The following DDX25 variants were observed in gnomAD, a reference collection of about 807,000 sequenced individuals.
DDX25 encodes the protein DEAD-box helicase 25.
DDX25 carries 70 observed loss-of-function variants against 64.6 expected under a neutral mutation model. That is an observed-to-expected ratio of 1.08 (90% CI 0.89 to 1.32). The LOEUF (loss-of-function observed/expected upper bound fraction) is 1.32. DDX25 is among the 40% of genes most tolerant of loss of function. The pLI, the probability that DDX25 is intolerant of heterozygous loss-of-function variation, is 0.00. For synonymous variants in DDX25, 211 were observed against 213.3 expected, an observed-to-expected ratio of 0.99 and a Z score of 0.09; for missense variants, 587 against 604.4, an observed-to-expected ratio of 0.97 and a Z score of 0.30.
intron 1 of DDX25, 108 bp from the exon 2 acceptor site, chr11:125,905,104 T>A (rs1944864715): frequency 4.1e-6 from 4 of 971,400 alleles, no homozygotes; most frequent in Non-Finnish European, 6.3e-6. Flanking sequence ...AAGGAAGCAA[T>A]ACCCGGGTGT....
At chr11:125,904,353 C>T (rs1455178745), upstream of DDX25, 2 of 541,904 alleles carry the variant, frequency 3.7e-6, no homozygotes, top group Non-Finnish European at 5.7e-6. Flanking sequence ...GCCCCTTCCG[C>T]GCGCCACCCA....
chr11:125,924,253 T>G lies in DDX25; in HGVS notation c.*1372T>G, dbSNP rs192883693. 1 of 148,720 alleles carries G rather than the reference T, an allele frequency of 6.7e-6. No individual in the cohort carries two copies. Among genetic ancestry groups the G allele is most frequent in the East Asian group, 1.9e-4 (1 of 5,148 alleles). The allele number at this position is 148,720 out of a possible 1,614,324, so 9.2% of individuals were successfully genotyped here. On this transcript the variant is annotated 3_prime_UTR_variant, in exon 12 of 12. Coordinates refer to ENST00000263576, the MANE Select transcript of DDX25 (RefSeq NM_013264.5). ...CTGCATTCCAGCCTGGGCGACAGAG[T>G]GAGACTCTATCTCAAAAAAAACGCG...
rs1945148602 is a variant in DDX25 at position 125,924,241 on chromosome 11, TG to T, written c.*1363del. 1 of 151,930 alleles carries T rather than the reference TG, an allele frequency of 6.6e-6. No individual in the cohort carries two copies. The highest frequency in any genetic ancestry group is 6.6e-5 in the Admixed American group (1 of 15,240). The allele number at this position is 151,930 out of a possible 1,614,324, so 9.4% of individuals were successfully genotyped here. On this transcript the variant is annotated 3_prime_UTR_variant, in exon 12 of 12. Coordinates refer to ENST00000263576, the MANE Select transcript of DDX25 (RefSeq NM_013264.5). ...GAGATCGTGCCACTGCATTCCAGCC[TG>T]GGCGACAGAGTGAGACTCTATCTCA...
At chr11:125,922,768 T>C in intron 11 of DDX25, 52 bp from the exon 12 acceptor site, 1 of 1,496,804 alleles carries the variant, frequency 6.7e-7, no homozygotes, top group Non-Finnish European at 9.1e-7. Flanking sequence ...TGGAATGAAG[T>C]TCCATTTAGA....
chr11:125,905,602 G>A lies in DDX25; in HGVS notation c.175+5G>A. ...AAGATGATGAAGAAGATGTAGGTAG[G>A]AGATGAATTCATTTGCATGTATCTA... On this transcript the variant is annotated splice_donor_5th_base_variant and intron_variant, in intron 3 of 11. Coordinates refer to ENST00000263576, the MANE Select transcript of DDX25 (RefSeq NM_013264.5). 6.4e-7 allele frequency: 1 copy of A among 1,551,142 alleles called. No individual in the cohort carries two copies. Among genetic ancestry groups the A allele is most frequent in the Non-Finnish European group, 8.7e-7 (1 of 1,146,436 alleles).
chr11:125,910,276 T>G (rs1944948771), intron 6 of DDX25, 88 bp from the exon 7 acceptor site: 1 of 1,054,018 alleles, frequency 9.5e-7, no homozygotes, highest in African/African-American at 1.6e-5. Context: ...TTTCTGTGCC[T>G]CTCCCTGTAC....
In DDX25 at chr11:125,904,597, CG is replaced by C; in HGVS notation, c.63+23del. 5.5e-6 allele frequency: 8 copies of C among 1,455,198 alleles called. No individual in the cohort carries two copies. Among genetic ancestry groups the C allele is most frequent in the South Asian group, 2.8e-5 (2 of 72,506 alleles). 90.1% of individuals were successfully genotyped at this position (1,455,198 alleles called of 1,614,324 possible). ...AACAGCCACGTAACCGCCACCGAGC[CG>C]GGGGGCCACAGCCGCGGGGGTGGAG... On this transcript the variant is annotated intron_variant, in intron 1 of 11. Coordinates refer to ENST00000263576, the MANE Select transcript of DDX25 (RefSeq NM_013264.5).
chr11:125,910,322 G>T, intron 6 of DDX25, 42 bp from the exon 7 acceptor site: 1 of 1,548,880 alleles, frequency 6.5e-7, no homozygotes, highest in Non-Finnish European at 8.9e-7. Context: ...AAAGATGCCT[G>T]TAAGAACCTT....
rs1945167749 is a variant in DDX25, at chr11:125,926,375, C to G, written c.*3494C>G. On this transcript the variant is annotated 3_prime_UTR_variant, in exon 12 of 12. Transcript: ENST00000263576. The stretch of plus-strand genomic sequence containing the variant: ...TTCTGGGGAATAATGATGTATTATC[C>G]AAGACCCTCATATCATATTAACCCA... 1 of 152,186 alleles carries G rather than the reference C, an allele frequency of 6.6e-6. No homozygotes were observed. The highest frequency in any genetic ancestry group is 1.5e-5 in the Non-Finnish European group (1 of 68,050). The allele number at this position is 152,186 out of a possible 1,614,324, so 9.4% of individuals were successfully genotyped here.
rs1944882111 is a variant in DDX25 at position 125,906,123 on chromosome 11, A to G, written c.225A>G (p.Leu75=). The G allele has an allele frequency of 6.4e-7, 1 of 1,550,994 alleles. No individual in the cohort carries two copies. Among genetic ancestry groups the G allele is most frequent in the Admixed American group, 2.0e-5 (1 of 50,876 alleles). ...TAAACAAGTTAATCCATCAATCCTTAGTAGAATCCAGTCACCGTGTGGAAG... is the reference window on the plus strand; with the variant it reads ...TAAACAAGTTAATCCATCAATCCTTGGTAGAATCCAGTCACCGTGTGGAAG... ...SLLNKLIHQS[L]VESSHRVEVL... is the part of the protein sequence containing the mutation. The change falls in exon 4 of 12, where the codon TTA becomes TTG. Residue 75 remains leucine, a synonymous_variant. Coordinates refer to ENST00000263576, the MANE Select transcript of DDX25 (RefSeq NM_013264.5).
At chr11:125,912,301 T>C (rs597550) in intron 8 of DDX25, among the ~76,000 whole-genome samples, 109,590 of 152,006 alleles carry the variant, frequency 0.72, 39,922 homozygotes, top group African/African-American at 0.81. Flanking sequence ...ATCCCCCCAT[T>C]ACCTCTCTGT....
At position 125,910,299 on chromosome 11, in the gene DDX25, C is replaced by T. The variant is rs2272104; in HGVS notation, c.508-65C>T. The T allele has an allele frequency of 0.69, 916,725 of 1,325,160 alleles. 318,874 individuals are homozygous for T. Among genetic ancestry groups the T allele is most frequent in the African/African-American group, 0.81 (55,724 of 68,802 alleles). 82.1% of individuals were successfully genotyped at this position (1,325,160 alleles called of 1,614,324 possible). On this transcript the variant is annotated intron_variant, in intron 6 of 11. Coordinates refer to ENST00000263576, the MANE Select transcript of DDX25 (RefSeq NM_013264.5). The stretch of plus-strand genomic sequence containing the variant: ...CCTCTCCCTGTACAAATTTTTATTG[C>T]AGTTGAAATTTGAAAGATGCCTGTA...
intron 8 of DDX25, among the ~76,000 whole-genome samples, chr11:125,912,357 A>G (rs1277732130): frequency 1.3e-5 from 2 of 152,158 alleles, no homozygotes; most frequent in Non-Finnish European, 2.9e-5. Context: ...TATTGATATC[A>G]TGTGACAGTG....
At chr11:125,905,848 TA>T (rs1285328347) in intron 3 of DDX25, among the ~76,000 whole-genome samples, 1 of 152,234 alleles carries the variant, frequency 6.6e-6, no homozygotes, top group African/African-American at 2.4e-5. Context: ...GAGATGGACT[TA>T]GGCTACTTTG....
chr11:125,905,135 G>A (rs899201784), intron 1 of DDX25, 77 bp from the exon 2 acceptor site: 2 of 1,330,732 alleles, frequency 1.5e-6, no homozygotes, highest in Admixed American at 4.0e-5. Context: ...ATCCCTCCCA[G>A]CCCCTGTGGT....
At chr11:125,916,042 G>T (rs1279281063) in intron 8 of DDX25, among the ~76,000 whole-genome samples, 3 of 152,144 alleles carry the variant, frequency 2.0e-5, no homozygotes, top group Non-Finnish European at 1.5e-5. Flanking sequence ...TTGACCAGAG[G>T]TCTATCGGAT....
At chr11:125,904,298 GCCC>G, upstream of DDX25, 7 of 371,076 alleles carry the variant, frequency 1.9e-5, no homozygotes, top group South Asian at 6.7e-4. Flanking sequence ...CCCGCTCTCT[GCCC>G]TCCGCCCCGC....
chr11:125,913,779 T>C (rs983901588), intron 8 of DDX25, among the ~76,000 whole-genome samples: 4 of 152,150 alleles, frequency 2.6e-5, no homozygotes, highest in Non-Finnish European at 5.9e-5. Flanking sequence ...CTGCCACTTC[T>C]GGGAAAATTT....
chr11:125,906,944 A>G (rs939877805), intron 4 of DDX25, among the ~76,000 whole-genome samples: 4 of 152,136 alleles, frequency 2.6e-5, no homozygotes, highest in Admixed American at 6.5e-5. Context: ...GGGGATAGAT[A>G]GCTAAGCTAG....
Sources: gnomAD v4.1 joint callset for allele counts (sites outside exome capture counted in the v4.1 genomes callset) on GRCh38, gnomAD v4.1.1 for gene constraint, MANE v1.5 for transcripts, NCBI Gene and HGNC (gene_info 2026-07-23, HGNC 2026-07-21) for gene names.